UIMC1: variants seen among roughly 807,000 people sequenced by gnomAD.
UIMC1 encodes ubiquitin interaction motif containing 1, also known as BRCA1-A complex subunit RAP80.
In UIMC1, 42 loss-of-function variants were observed where a neutral mutation model predicts 84.9. That is an observed-to-expected ratio of 0.49 (90% CI 0.39 to 0.64). The LOEUF (loss-of-function observed/expected upper bound fraction) is 0.64, where lower values mean the gene tolerates loss of function less well. Ranked by LOEUF, UIMC1 falls within the 30% of genes least tolerant of loss-of-function variation. The pLI is 0.00. For synonymous variants in UIMC1, 281 were observed against 293.0 expected (o/e 0.96, Z 0.42); for missense variants, 825 against 847.6 (o/e 0.97, Z 0.33).
chr5:176,992,965 C>T (rs1463402219), intron 1 of UIMC1, among the ~76,000 whole-genome samples: 1 of 151,964 alleles, frequency 6.6e-6, no homozygotes, highest in African/African-American at 2.4e-5. Context: ...GCAGGTGGAT[C>T]ACCTGAGATC....
chr5:176,983,810 C>T (rs1337339519), intron 1 of UIMC1, among the ~76,000 whole-genome samples: 7 of 149,124 alleles, frequency 4.7e-5, no homozygotes, highest in African/African-American at 7.4e-5. Context: ...GGCCGCCCAT[C>T]GTCTTGGATG....
At chr5:176,941,711 C>G (rs974368459) in intron 10 of UIMC1, among the ~76,000 whole-genome samples, 1 of 152,148 alleles carries the variant, frequency 6.6e-6, no homozygotes, top group Non-Finnish European at 1.5e-5. Flanking sequence ...CCACAGAGAG[C>G]TGTGCTGACA....
intron 3 of UIMC1, among the ~76,000 whole-genome samples, chr5:176,974,743 G>C (rs763246312): frequency 6.6e-6 from 1 of 151,932 alleles, no homozygotes; most frequent in Non-Finnish European, 1.5e-5. Context: ...AACCCGGGAG[G>C]CAGAGGTTGC....
intron 6 of UIMC1, among the ~76,000 whole-genome samples, chr5:176,960,661 CCG>C (rs1581542708): frequency 3.1e-5 from 1 of 32,014 alleles, no homozygotes; most frequent in East Asian, 7.5e-4. Context: ...GTCTCCGTCT[CCG>C]TCTCCCCACG....
chr5:177,008,095 A>C (rs1775447855), upstream of UIMC1, among the ~76,000 whole-genome samples: 1 of 150,286 alleles, frequency 6.7e-6, no homozygotes. Context: ...ACAGAGTGAG[A>C]CTCTGTCTCA....
intron 7 of UIMC1, among the ~76,000 whole-genome samples, chr5:176,956,936 C>A (rs747153045): frequency 3.3e-5 from 5 of 152,148 alleles, no homozygotes; most frequent in Non-Finnish European, 7.3e-5. Flanking sequence ...CTGCATGTAA[C>A]ATTAGTGCTC....
chr5:176,990,864 G>A (rs1298908311), intron 1 of UIMC1, among the ~76,000 whole-genome samples: 4 of 151,834 alleles, frequency 2.6e-5, no homozygotes, highest in Admixed American at 2.6e-4. Context: ...AGAGATGGGG[G>A]TCTTGCTGTG....
chr5:176,927,221 A>C (rs1369842794), intron 10 of UIMC1, among the ~76,000 whole-genome samples: 1 of 140,770 alleles, frequency 7.1e-6, no homozygotes, highest in African/African-American at 2.7e-5. Context: ...AAAAAAAAAA[A>C]AAAAGCACCA....
chr5:176,968,019 CTT>C (rs770605943), intron 6 of UIMC1, among the ~76,000 whole-genome samples: 49 of 151,818 alleles, frequency 3.2e-4, no homozygotes, highest in Admixed American at 7.9e-4. Flanking sequence ...AGGAACAAAA[CTT>C]AACACAGAAG....
rs188574165 is a variant in UIMC1, at chr5:177,020,401, G to A, written c.-9+2063C>T. Among the ~76,000 whole-genome samples, 5 of 152,282 alleles carry A rather than the reference G, an allele frequency of 3.3e-5. No individual in the cohort carries two copies. The East Asian group carries it at 9.6e-4, about 29-fold the overall frequency. The stretch of plus-strand genomic sequence containing the variant: ...CATCATTCACCTGAGATGCAATCCT[G>A]TTTTATCTTCTCCTTAGCACTTATT... On this transcript the variant is annotated intron_variant, in intron 1 of 5. Coordinates refer to the UIMC1 transcript ENST00000509236.
intron 3 of UIMC1, among the ~76,000 whole-genome samples, chr5:176,974,015 C>T (rs888673268): frequency 3.9e-5 from 6 of 152,124 alleles, no homozygotes; most frequent in African/African-American, 1.4e-4. Flanking sequence ...GCTGCAGTCA[C>T]ACCACTATAT....
At chr5:176,910,587 T>G (rs1311736783) in intron 11 of UIMC1, among the ~76,000 whole-genome samples, 2 of 152,220 alleles carry the variant, frequency 1.3e-5, no homozygotes, top group East Asian at 3.8e-4. Flanking sequence ...CCAAAAAGTC[T>G]TCTATATTGC....
At chr5:176,907,335 T>G in intron 12 of UIMC1, 158 bp from the exon 13 acceptor site, 1 of 634,988 alleles carries the variant, frequency 1.6e-6, no homozygotes, top group Non-Finnish European at 2.7e-6. Context: ...GTTTCACAAG[T>G]GAAAAAGCAA....
intron 7 of UIMC1, among the ~76,000 whole-genome samples, chr5:176,957,731 T>C (rs561534032): frequency 1.3e-5 from 2 of 152,310 alleles, no homozygotes; most frequent in East Asian, 1.9e-4. Flanking sequence ...GGGCTAAGAA[T>C]AGAAGGACTA....
chr5:177,014,765 T>C (rs934708548), intron 1 of UIMC1, among the ~76,000 whole-genome samples: 2 of 152,132 alleles, frequency 1.3e-5, no homozygotes, highest in Admixed American at 6.6e-5. Flanking sequence ...TGTGAAAGGA[T>C]TCCCCAGTTG....
At position 176,908,686 on chromosome 5, in the gene UIMC1, T is replaced by G. The variant is rs868658126; in HGVS notation, c.1685A>C (p.Lys562Thr). Residue 562 changes from lysine (K) to threonine (T), a missense_variant, in exon 12 of 15, where the codon AAG becomes ACG. By Grantham distance (78) the Lys-to-Thr change is moderately conservative. Coordinates refer to ENST00000511320, the MANE Select transcript of UIMC1 (RefSeq NM_001199298.2). ...GACCAGGGATTTACAGAGGTAACAC[T>G]TCTCATTCCTATCCAATAAGAAAAA... ...QTSLDIDKNE[K>T]CYLCKSLVPF... The G allele has an allele frequency of 1.9e-6, 3 of 1,612,550 alleles. No homozygotes were observed. The highest frequency in any genetic ancestry group is 3.3e-4 in the Middle Eastern group (2 of 6,056).
In UIMC1 at chr5:176,963,903, A is replaced by T. The variant is rs568349694; in HGVS notation, c.1200+4652T>A. ...GAAAAATTAAGTATCAGATTCTGAA[A>T]AGTAGTAACCACATTAACATACTAC... On this transcript the variant is annotated intron_variant, in intron 6 of 14. Transcript: ENST00000511320. Among the ~76,000 whole-genome samples the T allele has an allele frequency of 2.0e-4, 30 of 152,304 alleles. No individual in the cohort carries two copies. In the South Asian group the frequency reaches 2.9e-3, roughly 15 times the overall value.
rs139673323 is a variant in UIMC1 at position 176,905,320 on chromosome 5, G to A, written c.2122C>T (p.Arg708Trp). 5.9e-5 allele frequency: 95 copies of A among 1,613,926 alleles called. No individual in the cohort carries two copies. Among genetic ancestry groups the A allele is most frequent in the Non-Finnish European group, 7.6e-5 (90 of 1,179,972 alleles). The change falls in exon 15 of 15, where the codon CGG (arginine) becomes TGG (tryptophan). Residue 708 changes from arginine to tryptophan, a missense_variant. Arg to Trp is a moderately radical substitution (Grantham distance 101, BLOSUM62 -3). Transcript: ENST00000511320. Reference protein sequence around the residue: ...QVTVQPGSRTRTKAGRGRRRK... With the variant: ...QVTVQPGSRTWTKAGRGRRRK... ...CTTCTTCCTCTGCCAGCTTTGGTCCGTGTCCGACTACCTGGCTGGACAGTA... is the reference window on the plus strand; with the variant it reads ...CTTCTTCCTCTGCCAGCTTTGGTCCATGTCCGACTACCTGGCTGGACAGTA...
intron 1 of UIMC1, among the ~76,000 whole-genome samples, chr5:176,996,838 G>A (rs1460070508): frequency 1.3e-5 from 2 of 152,168 alleles, no homozygotes; most frequent in East Asian, 3.8e-4. Flanking sequence ...GGTCTTACCT[G>A]AGACAAGCAA....
Sources: allele counts gnomAD v4.1 joint callset (sites outside exome capture counted in the v4.1 genomes callset), GRCh38; gene constraint gnomAD v4.1.1; transcripts MANE v1.5; gene names NCBI Gene and HGNC (gene_info 2026-07-23, HGNC 2026-07-21).